The following NFIB variants were observed in gnomAD, a reference collection of about 807,000 sequenced individuals.
NFIB encodes nuclear factor I B, also known as nuclear factor 1 B-type.
Under a neutral mutation model 61.5 loss-of-function variants are expected in NFIB, and 11 were observed. The ratio of observed to expected loss-of-function variants is 0.18; its 90% CI spans 0.11 to 0.30. NFIB has a LOEUF of 0.30. Ranked by LOEUF, NFIB falls within the 10% of genes least tolerant of loss-of-function variation. The probability of loss-of-function intolerance (pLI) is 1.00; values close to 1 mark genes in which losing one functional copy is unlikely to be tolerated. For synonymous variants in NFIB, 260 were observed against 216.5 expected, an observed-to-expected ratio of 1.20 and a Z score of -1.76; for missense variants, 471 against 608.9, an observed-to-expected ratio of 0.77 and a Z score of 2.38.
At chr9:14,527,250 T>G in the NFIB span, among the ~76,000 whole-genome samples, 1 of 152,222 alleles carries the variant, frequency 6.6e-6, no homozygotes, top group African/African-American at 2.4e-5. Flanking sequence ...AACGAATTAC[T>G]ATTATTTACA....
Position 14,294,940 on chromosome 9 carries a change from T to C in NFIB, c.562+12049A>G, listed in dbSNP as rs117431851. 1.2e-4 allele frequency among the ~76,000 whole-genome samples: 18 copies of C among 152,252 alleles called. No individual in the cohort carries two copies. The East Asian group carries it at 3.5e-3, about 29-fold the overall frequency. On this transcript the variant is annotated intron_variant, in intron 2 of 10. Coordinates refer to ENST00000380953, the MANE Select transcript of NFIB (RefSeq NM_001190737.2). ...GCCGTAGGGAAACAAGCACCGAAAC[T>C]AGTTCCTCCAAGGACCTCCATGGAC...
upstream of NFIB, chr9:14,314,268 C>T (rs913895625): frequency 6.9e-6 from 4 of 581,270 alleles, no homozygotes; most frequent in Non-Finnish European, 8.8e-6. Flanking sequence ...AGGCTCGCGG[C>T]GCGTGGTCCC....
chr9:14,205,385 A>G (rs1315099956), intron 2 of NFIB, among the ~76,000 whole-genome samples: 1 of 151,036 alleles, frequency 6.6e-6, no homozygotes, highest in African/African-American at 2.4e-5. Flanking sequence ...GTAGGAATAT[A>G]AAAAACACTT....
chr9:14,246,869 T>C (rs878905164), intron 2 of NFIB, among the ~76,000 whole-genome samples: 1 of 152,200 alleles, frequency 6.6e-6, no homozygotes, highest in Admixed American at 6.5e-5. Flanking sequence ...AGACAGGGTC[T>C]TTATGGAAGT....
In NFIB at chr9:14,378,268, G is replaced by T. The variant is rs545376406; in HGVS notation, c.108+20256C>A. Among the ~76,000 whole-genome samples the T allele has an allele frequency of 5.9e-5, 9 of 152,276 alleles. No individual in the cohort carries two copies. In the South Asian group the frequency reaches 6.2e-4, roughly 11 times the overall value. On this transcript the variant is annotated intron_variant, in intron 1 of 8. Coordinates refer to the NFIB transcript ENST00000380934. ...GGTTCATATTTAGGCTCAATATCTG[G>T]TTCATATGTAGGGCTCAATAAATGC...
chr9:14,298,400 A>G (rs1390652490), intron 2 of NFIB, among the ~76,000 whole-genome samples: 5 of 152,210 alleles, frequency 3.3e-5, no homozygotes, highest in African/African-American at 1.2e-4. Flanking sequence ...AACCATAAAT[A>G]TAAAAAGCTG....
intron 1 of NFIB, among the ~76,000 whole-genome samples, chr9:14,359,819 C>T (rs776460798): frequency 6.6e-5 from 10 of 151,692 alleles, no homozygotes; most frequent in South Asian, 2.1e-4. Context: ...ATGAAAGCAG[C>T]GCAGAAAGTA....
chr9:14,439,013 C>T, the NFIB span, among the ~76,000 whole-genome samples: 9 of 152,138 alleles, frequency 5.9e-5, no homozygotes, highest in African/African-American at 2.2e-4. Flanking sequence ...GGAAGGAGCC[C>T]AGTTAGCATT....
chr9:14,481,197 G>GTGTGTATATATATATATA, the NFIB span, among the ~76,000 whole-genome samples: 16 of 45,838 alleles, frequency 3.5e-4, 1 homozygote, highest in South Asian at 9.9e-4. Context: ...GTGTGTGTGT[G>GTGTGTATATATATATATA]TATATATATA....
At chr9:14,491,180 T>C in the NFIB span, among the ~76,000 whole-genome samples, 1 of 152,178 alleles carries the variant, frequency 6.6e-6, no homozygotes. Flanking sequence ...TTTATCTCTG[T>C]GGTGAAGATT....
chr9:14,412,927 G>T, the NFIB span, among the ~76,000 whole-genome samples: 2 of 152,132 alleles, frequency 1.3e-5, no homozygotes, highest in Admixed American at 1.3e-4. Flanking sequence ...ACTAGGAAGG[G>T]CGCCTCCACT....
At chr9:14,398,512 AT>A (rs1307738610) in intron 1 of NFIB, 3 of 1,527,352 alleles carry the variant, frequency 2.0e-6, no homozygotes, top group Non-Finnish European at 1.8e-6. Flanking sequence ...AATTTGTGAA[AT>A]TTAGACTCAC....
the NFIB span, among the ~76,000 whole-genome samples, chr9:14,419,247 T>C: frequency 4.1e-4 from 55 of 135,718 alleles, no homozygotes; most frequent in Non-Finnish European, 6.5e-4. Flanking sequence ...AAACTTTTCA[T>C]AGGGGAACTG....
At chr9:14,445,619 A>G in the NFIB span, among the ~76,000 whole-genome samples, 1 of 152,246 alleles carries the variant, frequency 6.6e-6, no homozygotes. Flanking sequence ...TAATTTCCAA[A>G]TTTACAAGTT....
chr9:14,091,029 GTTTA>G (rs1269991920), intron 10 of NFIB, among the ~76,000 whole-genome samples: 1 of 151,882 alleles, frequency 6.6e-6, no homozygotes, highest in Non-Finnish European at 1.5e-5. Context: ...TAATTTAAAT[GTTTA>G]TTTAAATCTT....
intron 1 of NFIB, among the ~76,000 whole-genome samples, chr9:14,338,117 G>A (rs1037083925): frequency 9.2e-5 from 14 of 152,164 alleles, no homozygotes; most frequent in Non-Finnish European, 1.5e-4. Flanking sequence ...ATACGTAGCC[G>A]GGCGCAGTGG....
intron 1 of NFIB, among the ~76,000 whole-genome samples, chr9:14,334,468 C>A (rs1282925305): frequency 1.3e-5 from 2 of 152,098 alleles, no homozygotes; most frequent in Admixed American, 6.5e-5. Context: ...GCTTATTAAC[C>A]TTTTGGATAT....
chr9:14,224,987 A>T (rs536859537), intron 2 of NFIB, among the ~76,000 whole-genome samples: 28 of 152,214 alleles, frequency 1.8e-4, no homozygotes, highest in African/African-American at 6.7e-4. Context: ...AATATTGTTA[A>T]CTATAGTCCT....
chr9:14,382,162 T>C (rs776255495), intron 1 of NFIB, among the ~76,000 whole-genome samples: 1 of 152,124 alleles, frequency 6.6e-6, no homozygotes, highest in Non-Finnish European at 1.5e-5. Flanking sequence ...CTAGCTGAAT[T>C]GTTGAGTTAG....
Sources: allele counts gnomAD v4.1 joint callset (sites outside exome capture counted in the v4.1 genomes callset), GRCh38; gene constraint gnomAD v4.1.1; transcripts MANE v1.5; gene names NCBI Gene and HGNC (gene_info 2026-07-23, HGNC 2026-07-21).